The following FNBP1L variants were observed in gnomAD, a reference collection of about 807,000 sequenced individuals.
FNBP1L encodes the protein formin-binding protein 1-like.
FNBP1L carries 36 observed loss-of-function variants against 91.2 expected under a neutral mutation model. The observed-to-expected ratio is 0.39, with a 90% CI of 0.30 to 0.52. FNBP1L has a LOEUF of 0.52. FNBP1L is among the 20% of genes least tolerant of loss of function. The pLI is 0.66. For synonymous variants in FNBP1L, 242 were observed against 237.0 expected (o/e 1.02, Z -0.19); for missense variants, 571 against 732.1 (o/e 0.78, Z 2.54).
intron 1 of FNBP1L, among the ~76,000 whole-genome samples, chr1:93,462,197 C>G (rs1310750024): frequency 4.6e-5 from 7 of 152,106 alleles, no homozygotes; most frequent in Admixed American, 1.3e-4. Context: ...TATATTTAAC[C>G]CAAATCTCTT....
Position 93,448,285 on chromosome 1 carries a change from AGC to A in FNBP1L, c.5_6del (p.Ser2MetfsTer21). On this transcript the variant is annotated frameshift_variant, in exon 1 of 17. Coordinates refer to ENST00000271234, the MANE Select transcript of FNBP1L (RefSeq NM_001164473.3). LOFTEE classifies it high-confidence loss of function. ...CAGACGGCCAGAAAGTTCCGCCATG[AGC>A]TGGGGCACGGAGCTGTGGGTGAGTC... MSWGTELWDQFD... is the reference protein window; with the variant it reads MXWGTELWDQFD... 1 of 1,518,646 alleles carries A rather than the reference AGC, an allele frequency of 6.6e-7. No homozygotes were observed. Among genetic ancestry groups the A allele is most frequent in the Non-Finnish European group, 8.8e-7 (1 of 1,132,932 alleles). The allele number at this position is 1,518,646 out of a possible 1,614,324, so 94.1% of individuals were successfully genotyped here.
intron 11 of FNBP1L, 123 bp from the exon 12 acceptor site, chr1:93,543,984 T>A: frequency 1.8e-6 from 1 of 566,640 alleles, no homozygotes; most frequent in Non-Finnish European, 2.9e-6. Flanking sequence ...TTTTAAGGGG[T>A]TGCTTGAGGC....
At chr1:93,520,374 A>G (rs900057363) in intron 2 of FNBP1L, among the ~76,000 whole-genome samples, 1 of 152,238 alleles carries the variant, frequency 6.6e-6, no homozygotes, top group Admixed American at 6.5e-5. Context: ...TAAGCAGTGC[A>G]TCTCAAATTG....
intron 2 of FNBP1L, among the ~76,000 whole-genome samples, chr1:93,516,705 C>A (rs1221160164): frequency 1.3e-5 from 2 of 151,484 alleles, no homozygotes; most frequent in Admixed American, 1.3e-4. Context: ...ACTAGGGAGG[C>A]TGAGGCAGGA....
chr1:93,448,452 T>A, intron 1 of FNBP1L, 147 bp downstream of exon 1: 1 of 874,200 alleles, frequency 1.1e-6, no homozygotes, highest in Non-Finnish European at 1.7e-6. Context: ...CTCGTCTTTG[T>A]GTGCAGACTC....
At chr1:93,492,180 T>C (rs1670115668) in intron 1 of FNBP1L, among the ~76,000 whole-genome samples, 1 of 152,226 alleles carries the variant, frequency 6.6e-6, no homozygotes, top group Non-Finnish European at 1.5e-5. Context: ...AGGTCTTAGA[T>C]ATCTATTTTT....
chr1:93,460,963 G>A (rs559583616), intron 1 of FNBP1L, among the ~76,000 whole-genome samples: 3 of 152,160 alleles, frequency 2.0e-5, no homozygotes, highest in Non-Finnish European at 2.9e-5. Context: ...AATAAAAATA[G>A]GTTTTTTATG....
chr1:93,524,465 T>A, intron 5 of FNBP1L, 142 bp downstream of exon 5: 1 of 567,740 alleles, frequency 1.8e-6, no homozygotes, highest in Non-Finnish European at 2.8e-6. Flanking sequence ...TGTATAATAG[T>A]CAATAAAGTG....
intron 1 of FNBP1L, among the ~76,000 whole-genome samples, chr1:93,496,267 C>A (rs1369311647): frequency 1.3e-5 from 2 of 151,182 alleles, no homozygotes; most frequent in East Asian, 3.9e-4. Context: ...TTTTTCCTTC[C>A]TTTCCTGTGG....
intron 1 of FNBP1L, among the ~76,000 whole-genome samples, chr1:93,492,757 C>T (rs555209120): frequency 2.6e-5 from 4 of 151,590 alleles, no homozygotes; most frequent in Non-Finnish European, 4.4e-5. Flanking sequence ...CCACTACATT[C>T]CTGGGTGAAA....
Position 93,499,571 on chromosome 1 carries a change from C to T in FNBP1L, c.128C>T (p.Ala43Val). 1.0e-5 allele frequency: 16 copies of T among 1,571,778 alleles called. No individual in the cohort carries two copies. The highest frequency in any genetic ancestry group is 3.6e-5 in the South Asian group (3 of 83,552). ...AGGATAGAAATTGAACAGAACTATGCGAAACAATTGAGGTAAGTTAATTTT... is the reference window on the plus strand; with the variant it reads ...AGGATAGAAATTGAACAGAACTATGTGAAACAATTGAGGTAAGTTAATTTT... ...KERIEIEQNY[A>V]KQLRNLVKKY... The change falls in exon 2 of 17, where the codon GCG becomes GTG. Residue 43 changes from alanine (A) to valine (V), a missense_variant. Transcript: ENST00000271234.
rs555582022 is a variant in FNBP1L at position 93,448,469 on chromosome 1, C to T, written c.24+164C>T. Among the ~76,000 whole-genome samples, 399 of 152,286 alleles carry T rather than the reference C, an allele frequency of 2.6e-3. 1 individual carries two copies. Among genetic ancestry groups the T allele is most frequent in the African/African-American group, 8.9e-3 (368 of 41,574 alleles). ...CGTCTTTGTGTGCAGACTCCTCTTC[C>T]CTTCTCGGCCGGGGGTCTAGGGGGC... On this transcript the variant is annotated intron_variant, in intron 1 of 16. Transcript: ENST00000271234.
intron 1 of FNBP1L, among the ~76,000 whole-genome samples, chr1:93,461,757 C>A (rs1313973900): frequency 6.6e-6 from 1 of 152,108 alleles, no homozygotes; most frequent in African/African-American, 2.4e-5. Flanking sequence ...ATCTCTGTCT[C>A]CAAGGAATTA....
chr1:93,509,943 C>A (rs1312942084), intron 2 of FNBP1L, among the ~76,000 whole-genome samples: 2 of 152,208 alleles, frequency 1.3e-5, no homozygotes, highest in African/African-American at 4.8e-5. Context: ...ATATCCCGCA[C>A]ATGGCTCGGA....
chr1:93,550,958 G>A lies in FNBP1L; in HGVS notation c.1663G>A (p.Gly555Ser). 1.3e-6 allele frequency: 2 copies of A among 1,583,668 alleles called. No homozygotes were observed. Among genetic ancestry groups the A allele is most frequent in the Non-Finnish European group, 8.6e-7 (1 of 1,165,022 alleles). Residue 555 changes from glycine (G) to serine (S), a missense_variant, in exon 16 of 17, where the codon GGT becomes AGT. Physicochemically the swap from Gly to Ser is moderately conservative, Grantham distance 56 (BLOSUM62 0). Coordinates refer to ENST00000271234, the MANE Select transcript of FNBP1L (RefSeq NM_001164473.3). The part of the protein sequence containing the change: ...AIYPFDGHNE[G>S]TLAMKEGEVL... ...AAACTCTCATCTAGGACATAATGAAGGTACTCTAGCAATGAAAGAAGGTGA... is the reference window on the plus strand; with the variant it reads ...AAACTCTCATCTAGGACATAATGAAAGTACTCTAGCAATGAAAGAAGGTGA...
chr1:93,499,472 A>G lies in FNBP1L; in HGVS notation c.29A>G (p.Gln10Arg). MSWGTELWD[Q>R]FDSLDKHTQW... ...ATTTTTATCTTCCTTTTCCAGGATC[A>G]GTTCGACAGCTTAGACAAGCATACA... The change falls in exon 2 of 17, where the codon CAG (glutamine) becomes CGG (arginine). Residue 10 changes from glutamine to arginine, a missense_variant. Gln to Arg is a conservative substitution (Grantham distance 43). Around this residue, in one of 5 missense-constraint regions of FNBP1L, gnomAD observed 220 missense variants for 313.6 expected, o/e 0.70. Coordinates refer to ENST00000271234, the MANE Select transcript of FNBP1L (RefSeq NM_001164473.3). The G allele has an allele frequency of 1.9e-6, 3 of 1,578,160 alleles. No individual in the cohort carries two copies. Among genetic ancestry groups the G allele is most frequent in the Non-Finnish European group, 2.6e-6 (3 of 1,162,676 alleles).
chr1:93,522,940 C>G (rs145000833), intron 3 of FNBP1L, among the ~76,000 whole-genome samples: 243 of 152,194 alleles, frequency 1.6e-3, no homozygotes, highest in Non-Finnish European at 2.8e-3. Flanking sequence ...CAAAATTGTT[C>G]TGTAGATCAG....
intron 10 of FNBP1L, among the ~76,000 whole-genome samples, chr1:93,540,186 C>T (rs1671988624): frequency 6.6e-6 from 1 of 152,016 alleles, no homozygotes; most frequent in South Asian, 2.1e-4. Context: ...ATATCTATAT[C>T]TGTACACACA....
intron 1 of FNBP1L, among the ~76,000 whole-genome samples, chr1:93,453,278 A>G (rs1398976138): frequency 6.6e-6 from 1 of 152,184 alleles, no homozygotes; most frequent in Non-Finnish European, 1.5e-5. Flanking sequence ...AGAGGTATCA[A>G]GATATCTGTT....
Sources: gnomAD v4.1 joint callset for allele counts (sites outside exome capture counted in the v4.1 genomes callset) on GRCh38, gnomAD v4.1.1 for gene constraint, gnomAD v4.1.1 regional missense constraint, MANE v1.5 for transcripts, NCBI Gene and HGNC (gene_info 2026-07-23, HGNC 2026-07-21) for gene names.